Variants in SOX5 observed in about 807,000 individuals in gnomAD.
SOX5 encodes the protein SRY-box transcription factor 5, also known as transcription factor SOX-5.
In SOX5, 9 loss-of-function variants were observed where a neutral mutation model predicts 92.0. That is an observed-to-expected ratio of 0.10 (90% CI 0.06 to 0.17). SOX5 has a LOEUF of 0.17. Among genes scored for constraint, SOX5 ranks in the 10% least tolerant of loss-of-function variants. SOX5 has a pLI of 1.00. For synonymous variants in SOX5, 344 were observed against 336.3 expected (o/e 1.02, Z -0.25); for missense variants, 642 against 944.5 (o/e 0.68, Z 4.20).
At chr12:24,177,011 T>C (rs1464418654) in intron 4 of SOX5, among the ~76,000 whole-genome samples, 1 of 150,614 alleles carries the variant, frequency 6.6e-6, no homozygotes, top group Non-Finnish European at 1.5e-5. Flanking sequence ...CAATTTAGTT[T>C]AGATTTGGTA....
At chr12:23,950,858 G>C (rs1021709588), upstream of SOX5, 7 of 1,534,984 alleles carry the variant, frequency 4.6e-6, no homozygotes, top group Middle Eastern at 1.7e-4. Context: ...CACAGAGAGA[G>C]AGACACTTAC....
chr12:24,095,307 C>T (rs1945266059), intron 4 of SOX5, among the ~76,000 whole-genome samples: 1 of 151,994 alleles, frequency 6.6e-6, no homozygotes, highest in African/African-American at 2.4e-5. Context: ...TTGTAATTGT[C>T]TGTTTTCTTC....
At chr12:23,877,518 C>T (rs2096940641) in intron 2 of SOX5, among the ~76,000 whole-genome samples, 1 of 151,972 alleles carries the variant, frequency 6.6e-6, no homozygotes, top group Non-Finnish European at 1.5e-5. Context: ...TTTATATAGC[C>T]CCATTTGCCA....
intron 4 of SOX5, among the ~76,000 whole-genome samples, chr12:24,067,773 G>A (rs1196772406): frequency 1.3e-5 from 2 of 152,172 alleles, no homozygotes; most frequent in African/African-American, 2.4e-5. Context: ...GAGCGAGAAA[G>A]GGGAGTAGGC....
intron 2 of SOX5, among the ~76,000 whole-genome samples, chr12:23,889,351 T>G (rs1409660058): frequency 6.6e-6 from 1 of 152,192 alleles, no homozygotes; most frequent in Non-Finnish European, 1.5e-5. Flanking sequence ...TGACTTATTT[T>G]TAAGTAACAC....
rs75550790 is a variant in SOX5, at chr12:24,417,841, A to C, written c.-250-49202T>G. Among the ~76,000 whole-genome samples the C allele has an allele frequency of 4.5e-3, 680 of 152,274 alleles. 11 individuals are homozygous for C. The East Asian group carries it at 0.051, about 11-fold the overall frequency. On this transcript the variant is annotated intron_variant, in intron 1 of 4. Transcript: ENST00000446891. ...CCTGGAACACAGGGTATATGAGAAG[A>C]AGCCAGGGAAGAACAGCTGGAACAA...
At chr12:23,720,883 G>A (rs1013461768) in intron 6 of SOX5, among the ~76,000 whole-genome samples, 1 of 151,984 alleles carries the variant, frequency 6.6e-6, no homozygotes, top group Admixed American at 6.6e-5. Flanking sequence ...GTGTTCATCC[G>A]TACCTACGAT....
At chr12:24,280,598 T>C (rs918616197) in intron 2 of SOX5, among the ~76,000 whole-genome samples, 8 of 151,928 alleles carry the variant, frequency 5.3e-5, no homozygotes, top group Non-Finnish European at 7.4e-5. Context: ...CAAATAGACA[T>C]AGTGTGTGAT....
At chr12:24,492,875 T>C (rs1947233074) in intron 1 of SOX5, among the ~76,000 whole-genome samples, 1 of 152,100 alleles carries the variant, frequency 6.6e-6, no homozygotes, top group South Asian at 2.1e-4. Context: ...AAAAATAAAT[T>C]CCAATAAGAA....
At chr12:23,618,410 G>A (rs572612560) in intron 8 of SOX5, among the ~76,000 whole-genome samples, 51 of 152,214 alleles carry the variant, frequency 3.4e-4, no homozygotes, top group African/African-American at 1.2e-3. Flanking sequence ...AGATTGGGGG[G>A]TAGTAATCAA....
chr12:24,017,932 C>G (rs143455990), intron 4 of SOX5, among the ~76,000 whole-genome samples: 1 of 152,160 alleles, frequency 6.6e-6, no homozygotes, highest in African/African-American at 2.4e-5. Flanking sequence ...CATCTTCCCC[C>G]GTTTGAGGTT....
At chr12:24,161,470 C>A (rs902170718) in intron 4 of SOX5, among the ~76,000 whole-genome samples, 9 of 151,934 alleles carry the variant, frequency 5.9e-5, no homozygotes, top group African/African-American at 2.2e-4. Flanking sequence ...AGAGTATAAG[C>A]ATTGAGAAGG....
At chr12:24,321,236 C>T (rs1366993324) in intron 2 of SOX5, among the ~76,000 whole-genome samples, 1 of 152,134 alleles carries the variant, frequency 6.6e-6, no homozygotes, top group Non-Finnish European at 1.5e-5. Flanking sequence ...AGGTGTGTAG[C>T]CAATGTTTGT....
At chr12:23,775,410 T>C (rs2095066191) in intron 3 of SOX5, among the ~76,000 whole-genome samples, 1 of 152,110 alleles carries the variant, frequency 6.6e-6, no homozygotes, top group Non-Finnish European at 1.5e-5. Flanking sequence ...CAAACAACTG[T>C]CTGTTGAATT....
intron 2 of SOX5, among the ~76,000 whole-genome samples, chr12:24,366,298 T>C (rs1044076122): frequency 6.6e-6 from 1 of 152,122 alleles, no homozygotes; most frequent in Non-Finnish European, 1.5e-5. Context: ...GCCTAGTCCA[T>C]GAAAATTACA....
At chr12:24,516,371 C>A (rs1949788862) in intron 1 of SOX5, among the ~76,000 whole-genome samples, 2 of 152,134 alleles carry the variant, frequency 1.3e-5, no homozygotes, top group Admixed American at 6.5e-5. Context: ...TTTAATATTA[C>A]AGCCCTGTGT....
In SOX5 at chr12:24,106,184, T is replaced by C. The variant is rs141254969; in HGVS notation, c.-2+107159A>G. Among the ~76,000 whole-genome samples, 203 of 147,136 alleles carry C rather than the reference T, an allele frequency of 1.4e-3. 5 individuals are homozygous for C. The East Asian group carries it at 0.038, about 27-fold the overall frequency. ...GCAATGCGTGTATCACACAAACTGG[T>C]AATTAGAAAAAAAAAAAAAAATTAG... On this transcript the variant is annotated intron_variant, in intron 4 of 4. Coordinates refer to the SOX5 transcript ENST00000446891.
intron 7 of SOX5, among the ~76,000 whole-genome samples, chr12:23,648,495 T>C (rs1301463232): frequency 6.6e-6 from 1 of 152,210 alleles, no homozygotes; most frequent in African/African-American, 2.4e-5. Flanking sequence ...TAATTTAAGA[T>C]AAAATTAAGT....
intron 3 of SOX5, among the ~76,000 whole-genome samples, chr12:23,818,691 TATA>T (rs1468054354): frequency 2.6e-5 from 4 of 152,196 alleles, no homozygotes; most frequent in Non-Finnish European, 5.9e-5. Flanking sequence ...TTTTGACTGC[TATA>T]ATAACACAGG....
Sources: gnomAD v4.1 joint callset for allele counts (sites outside exome capture counted in the v4.1 genomes callset) on GRCh38, gnomAD v4.1.1 for gene constraint, MANE v1.5 for transcripts, NCBI Gene and HGNC (gene_info 2026-07-23, HGNC 2026-07-21) for gene names.